Variants in CHCHD2 observed in about 807,000 individuals in gnomAD.
The protein encoded by CHCHD2 is coiled-coil-helix-coiled-coil-helix domain-containing protein 2.
CHCHD2 carries 17 observed loss-of-function variants against 17.5 expected under a neutral mutation model. The observed-to-expected ratio is 0.97, with a 90% CI of 0.67 to 1.46. CHCHD2 has a LOEUF of 1.46. CHCHD2 is among the 40% of genes most tolerant of loss of function. The probability of loss-of-function intolerance (pLI) is 0.00; values close to 1 mark genes in which losing one functional copy is unlikely to be tolerated. For missense variants in CHCHD2, 175 were observed against 199.9 expected (o/e 0.88, Z 0.75); for synonymous variants, 63 against 74.3 (o/e 0.85, Z 0.78).
chr7:56,102,998 G>C lies in CHCHD2; in HGVS notation c.314C>G (p.Thr105Ser). Residue 105 changes from threonine to serine, a missense_variant, in exon 3 of 4, where the codon ACC becomes AGC. Coordinates refer to ENST00000395422, the MANE Select transcript of CHCHD2 (RefSeq NM_016139.4). ...PDITYQEPQGTQPAQQQQPCL... is the reference protein window; with the variant it reads ...PDITYQEPQGSQPAQQQQPCL... ...AGGCTGCTGCTGCTGTGCTGGCTGG[G>C]TTCCCTGAGGCTCCTGCAAAGGCAA... 6.2e-7 allele frequency: 1 copy of C among 1,614,198 alleles called. No homozygotes were observed. The highest frequency in any genetic ancestry group is 8.5e-7 in the Non-Finnish European group (1 of 1,180,038).
At chr7:56,105,747 C>T (rs1315694955) in intron 1 of CHCHD2, among the ~76,000 whole-genome samples, 1 of 152,158 alleles carries the variant, frequency 6.6e-6, no homozygotes, top group Admixed American at 6.6e-5. Context: ...GCCATAATTA[C>T]GTCACTGCAC....
chr7:56,105,389 T>G (rs1379121819), intron 1 of CHCHD2, among the ~76,000 whole-genome samples: 3 of 152,188 alleles, frequency 2.0e-5, no homozygotes, highest in Admixed American at 1.3e-4. Flanking sequence ...TTCATTCAAG[T>G]ATTAGGTAAC....
intron 3 of CHCHD2, among the ~76,000 whole-genome samples, 157 bp from the exon 4 acceptor site, chr7:56,102,018 T>C (rs570632868): frequency 9.7e-4 from 148 of 152,302 alleles, no homozygotes; most frequent in African/African-American, 3.4e-3. Context: ...GGTCTTGCTA[T>C]GTTGCCCAGG....
intron 2 of CHCHD2, 53 bp from the exon 3 acceptor site, chr7:56,103,064 T>C: frequency 1.9e-6 from 3 of 1,597,460 alleles, no homozygotes; most frequent in Non-Finnish European, 2.6e-6. Flanking sequence ...TACTTATGCC[T>C]AGACAATGAA....
chr7:56,105,202 C>T (rs189129067), intron 1 of CHCHD2, among the ~76,000 whole-genome samples: 143 of 152,342 alleles, frequency 9.4e-4, no homozygotes, highest in Middle Eastern at 6.8e-3. Context: ...TGAGCCACCA[C>T]GCCCGGCCAC....
Position 56,103,020 on chromosome 7 carries a change from G to C in CHCHD2, c.301-9C>G. ...TGGGTTCCCTGAGGCTCCTGCAAAG[G>C]CAAAACATTCAACATTGCTGAGAAA... On this transcript the variant is annotated splice_polypyrimidine_tract_variant and intron_variant, in intron 2 of 3. Coordinates refer to ENST00000395422, the MANE Select transcript of CHCHD2 (RefSeq NM_016139.4). The C allele has an allele frequency of 5.6e-6, 9 of 1,614,024 alleles. No individual in the cohort carries two copies. Among genetic ancestry groups the C allele is most frequent in the Non-Finnish European group, 7.6e-6 (9 of 1,179,926 alleles).
chr7:56,105,770 T>C (rs1785371674), intron 1 of CHCHD2, among the ~76,000 whole-genome samples: 1 of 152,196 alleles, frequency 6.6e-6, no homozygotes, highest in Admixed American at 6.6e-5. Context: ...CAGCCTGAGT[T>C]AGACTCTGAC....
chr7:56,106,217 T>A, intron 1 of CHCHD2, 147 bp downstream of exon 1: 1 of 661,436 alleles, frequency 1.5e-6, no homozygotes, highest in Non-Finnish European at 2.5e-6. Context: ...AACATAGGCT[T>A]TACGTTCAAT....
At chr7:56,101,942 A>G (rs1054951064) in intron 3 of CHCHD2, 81 bp from the exon 4 acceptor site, 1 of 1,354,696 alleles carries the variant, frequency 7.4e-7, no homozygotes, top group Non-Finnish European at 1.0e-6. Context: ...TTATGAAAGC[A>G]GCGACAAAAG....
At chr7:56,106,035 G>C (rs79291114) in intron 1 of CHCHD2, among the ~76,000 whole-genome samples, 1 of 152,284 alleles carries the variant, frequency 6.6e-6, no homozygotes, top group East Asian at 1.9e-4. Flanking sequence ...ATCTTCATAT[G>C]TATCACGCTC....
At position 56,106,385 on chromosome 7, in the gene CHCHD2, G is replaced by A. The variant is rs765200757; in HGVS notation, c.29C>T (p.Ser10Phe). The change falls in exon 1 of 4, where the codon TCC (serine) becomes TTC (phenylalanine). Residue 10 changes from serine to phenylalanine, a missense_variant. Coordinates refer to ENST00000395422, the MANE Select transcript of CHCHD2 (RefSeq NM_016139.4). Reference protein sequence around the residue: MPRGSRSRTSRMAPPASRAP... With the variant: MPRGSRSRTFRMAPPASRAP... ...TCACCTGGCCGGAGGGGCCATGCGGGAGGTGCGGCTTCGGCTTCCACGCGG... is the reference window on the plus strand; with the variant it reads ...TCACCTGGCCGGAGGGGCCATGCGGAAGGTGCGGCTTCGGCTTCCACGCGG... 5 of 1,613,508 alleles carry A rather than the reference G, an allele frequency of 3.1e-6. No individual in the cohort carries two copies. The highest frequency in any genetic ancestry group is 2.2e-5 in the South Asian group (2 of 91,044).
rs1006016965 is a variant in CHCHD2, at chr7:56,102,010, T to G, written c.446-149A>C. 1.2e-4 allele frequency: 88 copies of G among 736,298 alleles called. No homozygotes were observed. In the African/African-American group the frequency reaches 1.4e-3, roughly 12 times the overall value. 45.6% of individuals were successfully genotyped at this position (736,298 alleles called of 1,614,324 possible). A position where few individuals can be genotyped will look rare whatever the true frequency, so the allele number is the denominator to read the frequency against. On this transcript the variant is annotated intron_variant, in intron 3 of 3. Coordinates refer to ENST00000395422, the MANE Select transcript of CHCHD2 (RefSeq NM_016139.4). ...TTTTTGATAAAAAATAGAGATGAGG[T>G]CTTGCTATGTTGCCCAGGCTGGTCT...
At chr7:56,103,700 T>A (rs1413915425) in intron 2 of CHCHD2, among the ~76,000 whole-genome samples, 1 of 152,214 alleles carries the variant, frequency 6.6e-6, no homozygotes, top group African/African-American at 2.4e-5. Context: ...ATTATTATCT[T>A]GTTATCAAGA....
At chr7:56,102,707 A>T in intron 3 of CHCHD2, 160 bp downstream of exon 3, 1 of 735,356 alleles carries the variant, frequency 1.4e-6, no homozygotes, top group Non-Finnish European at 2.2e-6. Flanking sequence ...AATTACTCAT[A>T]AAAATGACTA....
intron 3 of CHCHD2, 128 bp from the exon 4 acceptor site, chr7:56,101,989 T>G (rs1785293448): frequency 1.1e-6 from 1 of 916,214 alleles, no homozygotes; most frequent in Non-Finnish European, 1.7e-6. Flanking sequence ...TGTTTTTTTT[T>G]GATAAAAAAT....
In CHCHD2 at chr7:56,104,291, C is replaced by A. The variant is rs200784526; in HGVS notation, c.235G>T (p.Ala79Ser). ...CCTCCACTGAAGCCCCCAGTAATGG[C>A]GTGACCCAATGTGTGCCCCACAGCA... The part of the protein sequence containing the change: ...GSAVGHTLGH[A>S]ITGGFSGGSN... The change falls in exon 2 of 4, where the codon GCC becomes TCC. Residue 79 changes from alanine to serine, a missense_variant. Coordinates refer to ENST00000395422, the MANE Select transcript of CHCHD2 (RefSeq NM_016139.4). 2 of 1,613,720 alleles carry A rather than the reference C, an allele frequency of 1.2e-6. No individual in the cohort carries two copies. Among genetic ancestry groups the A allele is most frequent in the East Asian group, 4.5e-5 (2 of 44,890 alleles).
intron 3 of CHCHD2, among the ~76,000 whole-genome samples, chr7:56,102,280 G>A (rs941513641): frequency 6.6e-6 from 1 of 151,922 alleles, no homozygotes; most frequent in African/African-American, 2.4e-5. Flanking sequence ...TATATTCGCA[G>A]CCTTAAGGTT....
In CHCHD2 at chr7:56,102,844, T is replaced by C. The variant is rs368108393; in HGVS notation, c.445+23A>G. ...GGAATTCCACTGTGAATTAAGCAGA[T>C]GTAAATTGGACAAATTACCTACCGT... is the stretch of plus-strand genomic sequence containing the variant. On this transcript the variant is annotated intron_variant, in intron 3 of 3. Coordinates refer to ENST00000395422, the MANE Select transcript of CHCHD2 (RefSeq NM_016139.4). The C allele has an allele frequency of 6.2e-6, 10 of 1,612,974 alleles. 1 individual carries two copies. The highest frequency in any genetic ancestry group is 5.5e-5 in the South Asian group (5 of 91,044).
intron 1 of CHCHD2, among the ~76,000 whole-genome samples, chr7:56,105,787 TATAA>T (rs1251351105): frequency 1.3e-5 from 2 of 152,112 alleles, no homozygotes; most frequent in African/African-American, 4.8e-5. Context: ...TGACTCAAAA[TATAA>T]ATAAATAAAC....
Sources: gnomAD v4.1 joint callset for allele counts (sites outside exome capture counted in the v4.1 genomes callset) on GRCh38, gnomAD v4.1.1 for gene constraint, MANE v1.5 for transcripts, NCBI Gene and HGNC (gene_info 2026-07-23, HGNC 2026-07-21) for gene names.